Variants in GNA14 observed in about 807,000 individuals in gnomAD.
GNA14 encodes the protein guanine nucleotide-binding protein subunit alpha-14.
A neutral mutation model predicts 42.0 loss-of-function variants in GNA14; 50 were observed. That is an observed-to-expected ratio of 1.19 (90% confidence interval 0.95 to 1.51). GNA14 has a LOEUF of 1.51. Ranked by LOEUF, GNA14 falls within the 40% of genes most tolerant of loss-of-function variation. The pLI is 0.00. For missense variants in GNA14, 473 were observed against 446.2 expected (o/e 1.06, Z -0.54); for synonymous variants, 173 against 163.1 (o/e 1.06, Z -0.46).
chr9:77,567,923 C>A (rs1822993719), intron 1 of GNA14, among the ~76,000 whole-genome samples: 1 of 152,094 alleles, frequency 6.6e-6, no homozygotes, highest in Non-Finnish European at 1.5e-5. Flanking sequence ...ATAATGTTCA[C>A]CGTATCTTGT....
In GNA14 at chr9:77,424,139, T is replaced by G; in HGVS notation, c.908A>C (p.Asp303Ala). ...GPKQDVRAARDFILKLYQDQN... is the reference protein window; with the variant it reads ...GPKQDVRAARAFILKLYQDQN... Reference sequence around the variant, plus strand: ...ATCTTGGTAAAGCTTCAGGATAAAGTCTCTGGCAGCTCTGACATCCTGTTT... The same window carrying G: ...ATCTTGGTAAAGCTTCAGGATAAAGGCTCTGGCAGCTCTGACATCCTGTTT... Residue 303 changes from aspartate (D) to alanine (A), a missense_variant, in exon 7 of 7, where the codon GAC becomes GCC. By Grantham distance (126) the Asp-to-Ala change is moderately radical. Coordinates refer to ENST00000341700, the MANE Select transcript of GNA14 (RefSeq NM_004297.4). 3 of 1,611,860 alleles carry G rather than the reference T, an allele frequency of 1.9e-6. No individual in the cohort carries two copies. The highest frequency in any genetic ancestry group is 1.1e-5 in the South Asian group (1 of 90,402).
At chr9:77,604,260 C>T (rs929082841) in intron 1 of GNA14, among the ~76,000 whole-genome samples, 4 of 152,178 alleles carry the variant, frequency 2.6e-5, no homozygotes, top group African/African-American at 9.7e-5. Context: ...AAGACAAGGT[C>T]TCACAGACTG....
chr9:77,604,805 T>A (rs909375207), intron 1 of GNA14, among the ~76,000 whole-genome samples: 1 of 152,228 alleles, frequency 6.6e-6, no homozygotes, highest in African/African-American at 2.4e-5. Flanking sequence ...AAGCACTACG[T>A]AAACCCCGAA....
intron 1 of GNA14, among the ~76,000 whole-genome samples, chr9:77,638,793 A>G (rs965421615): frequency 1.3e-5 from 2 of 152,220 alleles, no homozygotes; most frequent in African/African-American, 4.8e-5. Context: ...GCAATAACGC[A>G]GGTGAATTGC....
At chr9:77,458,904 A>AGGGG (rs138020529) in intron 2 of GNA14, among the ~76,000 whole-genome samples, 14 of 134,492 alleles carry the variant, frequency 1.0e-4, no homozygotes, top group Admixed American at 5.9e-4. Flanking sequence ...CACAAGCTGG[A>AGGGG]GGGGGGGGGG....
At chr9:77,456,030 GAAATA>G (rs1835993921) in intron 2 of GNA14, among the ~76,000 whole-genome samples, 3 of 152,240 alleles carry the variant, frequency 2.0e-5, no homozygotes, top group East Asian at 1.9e-4. Context: ...ACATAAAAAT[GAAATA>G]AAATAATAAT....
intron 1 of GNA14, among the ~76,000 whole-genome samples, chr9:77,629,206 G>A (rs533602545): frequency 8.5e-5 from 13 of 152,136 alleles, no homozygotes; most frequent in Non-Finnish European, 1.6e-4. Flanking sequence ...TTAGAATGGC[G>A]ATCATTAAAA....
intron 2 of GNA14, among the ~76,000 whole-genome samples, chr9:77,498,619 C>T (rs1377226689): frequency 1.3e-5 from 2 of 152,138 alleles, no homozygotes; most frequent in African/African-American, 4.8e-5. Context: ...ACAGTGGGCA[C>T]AGGACGCACT....
chr9:77,538,106 T>C (rs1837619474), intron 1 of GNA14, among the ~76,000 whole-genome samples: 1 of 151,318 alleles, frequency 6.6e-6, no homozygotes, highest in South Asian at 2.1e-4. Context: ...GGTTTCATTC[T>C]GTTGCCCAGC....
At chr9:77,634,183 G>T (rs1824141517) in intron 1 of GNA14, among the ~76,000 whole-genome samples, 1 of 152,064 alleles carries the variant, frequency 6.6e-6, no homozygotes, top group Admixed American at 6.6e-5. Flanking sequence ...GCTATGGGAG[G>T]CTGAGGCAGG....
At chr9:77,506,552 C>T (rs957456219) in intron 2 of GNA14, among the ~76,000 whole-genome samples, 1 of 152,022 alleles carries the variant, frequency 6.6e-6, no homozygotes, top group African/African-American at 2.4e-5. Flanking sequence ...TGGCACATGT[C>T]TGTAGTCCCA....
chr9:77,473,534 C>A (rs1351765424), intron 2 of GNA14, among the ~76,000 whole-genome samples: 1 of 150,818 alleles, frequency 6.6e-6, no homozygotes, highest in Non-Finnish European at 1.5e-5. Context: ...AATCTGGAGA[C>A]TTAATATTGT....
chr9:77,645,383 A>G (rs763224553), intron 1 of GNA14, among the ~76,000 whole-genome samples: 1 of 152,244 alleles, frequency 6.6e-6, no homozygotes, highest in Non-Finnish European at 1.5e-5. Flanking sequence ...TTCCTTGAGA[A>G]GAAATGGAGC....
At chr9:77,578,736 G>T (rs184371416) in intron 1 of GNA14, among the ~76,000 whole-genome samples, 88 of 152,276 alleles carry the variant, frequency 5.8e-4, no homozygotes, top group South Asian at 1.2e-3. Context: ...ATTGTAGTTT[G>T]GTTGAAACCT....
Position 77,623,216 on chromosome 9 carries a change from C to CAAAAAAAAAAA in GNA14, c.124+24443_124+24453dup, listed in dbSNP as rs34368561. On this transcript the variant is annotated intron_variant, in intron 1 of 6. Coordinates refer to ENST00000341700, the MANE Select transcript of GNA14 (RefSeq NM_004297.4). Reference sequence around the variant, plus strand: ...TGGGCAAAAGAGTGAGACGCTGTCTCAAAAAAAAAAAAAAAAAAAAAAAAA... The same window carrying CAAAAAAAAAAA: ...TGGGCAAAAGAGTGAGACGCTGTCTCAAAAAAAAAAAAAAAAAAAAAAAAAAAAAAAAAAAA... Among the ~76,000 whole-genome samples the CAAAAAAAAAAA allele has an allele frequency of 1.3e-3, 34 of 26,848 alleles. 3 individuals carry two copies. Among genetic ancestry groups the CAAAAAAAAAAA allele is most frequent in the Non-Finnish European group, 2.1e-3 (16 of 7,782 alleles). The allele number at this position is 26,848 out of a possible 152,430, so 17.6% of individuals were successfully genotyped here.
intron 1 of GNA14, among the ~76,000 whole-genome samples, chr9:77,571,335 A>T (rs1823055708): frequency 6.6e-6 from 1 of 152,220 alleles, no homozygotes; most frequent in Admixed American, 6.5e-5. Flanking sequence ...ATTTTGACAG[A>T]GGAAATCTTG....
chr9:77,479,503 C>T (rs7850277), intron 2 of GNA14, among the ~76,000 whole-genome samples: 5,207 of 152,124 alleles, frequency 0.034, 204 homozygotes, highest in African/African-American at 0.098. Context: ...CTTGGTGATG[C>T]GGGCTCTTTT....
chr9:77,620,324 G>A (rs1335132622), intron 1 of GNA14, among the ~76,000 whole-genome samples: 2 of 152,138 alleles, frequency 1.3e-5, no homozygotes, highest in Non-Finnish European at 2.9e-5. Context: ...AAAGATTTCT[G>A]GCAACTCATC....
intron 1 of GNA14, among the ~76,000 whole-genome samples, chr9:77,599,822 G>A (rs770846775): frequency 1.2e-4 from 18 of 152,142 alleles, no homozygotes; most frequent in Non-Finnish European, 2.2e-4. Flanking sequence ...GATTATAGGT[G>A]TCCGTCTCCC....
Sources: allele counts gnomAD v4.1 joint callset (sites outside exome capture counted in the v4.1 genomes callset), GRCh38; gene constraint gnomAD v4.1.1; transcripts MANE v1.5; gene names NCBI Gene and HGNC (gene_info 2026-07-23, HGNC 2026-07-21).